The following SUGCT variants were observed in gnomAD, a reference collection of about 807,000 sequenced individuals.
The protein encoded by SUGCT is succinyl-CoA:glutarate-CoA transferase.
Under a neutral mutation model 55.0 loss-of-function variants are expected in SUGCT, and 41 were observed. The observed-to-expected ratio is 0.74, with a 90% CI of 0.58 to 0.97. SUGCT has a LOEUF of 0.97. Among genes scored for constraint, SUGCT ranks in the 50% least tolerant of loss-of-function variants. The probability of loss-of-function intolerance (pLI) is 0.00; values close to 1 mark genes in which losing one functional copy is unlikely to be tolerated. For synonymous variants in SUGCT, 187 were observed against 200.4 expected (o/e 0.93, Z 0.56); for missense variants, 568 against 547.8 (o/e 1.04, Z -0.37).
intron 1 of SUGCT, among the ~76,000 whole-genome samples, chr7:40,159,725 CAGG>C (rs1319506196): frequency 1.3e-5 from 2 of 152,090 alleles, no homozygotes; most frequent in Non-Finnish European, 2.9e-5. Flanking sequence ...GATAGGAAGG[CAGG>C]AGGTCAGAGA....
intron 11 of SUGCT, among the ~76,000 whole-genome samples, chr7:40,476,013 A>G (rs1470165583): frequency 1.3e-5 from 2 of 152,088 alleles, no homozygotes; most frequent in East Asian, 3.9e-4. Context: ...TGGTAAGAGC[A>G]TGGATTCTGG....
chr7:40,159,703 A>G (rs945917780), intron 1 of SUGCT, among the ~76,000 whole-genome samples: 2 of 152,118 alleles, frequency 1.3e-5, no homozygotes, highest in African/African-American at 4.8e-5. Flanking sequence ...TCAGAGGAGC[A>G]TGGGACTGAG....
At position 40,656,406 on chromosome 7, in the gene SUGCT, A is replaced by G. The variant is rs548206007; in HGVS notation, c.1090-93028A>G. On this transcript the variant is annotated intron_variant, in intron 12 of 13. Transcript: ENST00000335693. ...TAGTACTAATAATTCTGGTAGAAAT[A>G]TGATGAGAAGCAAATAGATCCACTA... is the stretch of plus-strand genomic sequence containing the variant. Among the ~76,000 whole-genome samples the G allele has an allele frequency of 6.6e-5, 10 of 152,332 alleles. No individual in the cohort carries two copies. In the South Asian group the frequency reaches 2.1e-3, roughly 32 times the overall value.
intron 7 of SUGCT, among the ~76,000 whole-genome samples, chr7:40,250,828 CTTTTT>C (rs67372014): frequency 7.4e-5 from 9 of 121,264 alleles, no homozygotes; most frequent in African/African-American, 1.5e-4. Context: ...TTTCACGCTT[CTTTTT>C]TTTTTTTTTT....
rs187384921 is a variant in SUGCT, at chr7:40,483,809, T to C, written c.987-12475T>C. 4.3e-3 allele frequency among the ~76,000 whole-genome samples: 661 copies of C among 152,276 alleles called. 9 individuals are homozygous for C. The highest frequency in any genetic ancestry group is 0.011 in the South Asian group (53 of 4,814). On this transcript the variant is annotated intron_variant, in intron 11 of 13. Coordinates refer to ENST00000335693, the MANE Select transcript of SUGCT (RefSeq NM_001193313.2). ...GGGAACTATAAATAACCATGAGATA[T>C]ACCATGCTCCCTCTATCGGACAATA...
intron 12 of SUGCT, among the ~76,000 whole-genome samples, chr7:40,677,336 A>T (rs1194974746): frequency 6.6e-6 from 1 of 152,214 alleles, no homozygotes; most frequent in Non-Finnish European, 1.5e-5. Flanking sequence ...GTGGTATAAA[A>T]ACAGGGTTTA....
chr7:40,747,811 G>T (rs1242237435), intron 12 of SUGCT, among the ~76,000 whole-genome samples: 1 of 151,932 alleles, frequency 6.6e-6, no homozygotes, highest in Non-Finnish European at 1.5e-5. Context: ...AAAATGTGTT[G>T]CATTTTTATT....
chr7:40,473,232 T>TACTTATTTTA (rs1229099905), intron 11 of SUGCT, among the ~76,000 whole-genome samples: 5 of 152,190 alleles, frequency 3.3e-5, no homozygotes, highest in African/African-American at 1.2e-4. Flanking sequence ...AAATCTTACA[T>TACTTATTTTA]ACTTATTTTA....
At chr7:40,687,338 G>C (rs1445495960) in intron 12 of SUGCT, among the ~76,000 whole-genome samples, 1 of 152,162 alleles carries the variant, frequency 6.6e-6, no homozygotes, top group Non-Finnish European at 1.5e-5. Context: ...TTCTTGTTTT[G>C]AGTTTTGTCT....
chr7:40,771,694 TGAA>T (rs2128728284), intron 13 of SUGCT, among the ~76,000 whole-genome samples: 1 of 152,298 alleles, frequency 6.6e-6, no homozygotes, highest in South Asian at 2.1e-4. Flanking sequence ...TATCATCTAC[TGAA>T]GAAGTGAAAT....
chr7:40,771,882 C>T (rs1317366860), intron 13 of SUGCT, among the ~76,000 whole-genome samples: 9 of 152,216 alleles, frequency 5.9e-5, no homozygotes, highest in Middle Eastern at 6.8e-3. Context: ...TCAGGGTATT[C>T]GATGGAATAC....
At chr7:40,696,769 A>G (rs1784953240) in intron 12 of SUGCT, among the ~76,000 whole-genome samples, 1 of 152,294 alleles carries the variant, frequency 6.6e-6, no homozygotes, top group Non-Finnish European at 1.5e-5. Flanking sequence ...ATGAGGGGAA[A>G]GCACACTACA....
intron 2 of SUGCT, among the ~76,000 whole-genome samples, chr7:40,181,573 G>A (rs1000689535): frequency 4.6e-5 from 7 of 151,874 alleles, no homozygotes; most frequent in African/African-American, 9.7e-5. Context: ...GTGAAACCCC[G>A]TCTCTACTAA....
At position 40,816,811 on chromosome 7, in the gene SUGCT, G is replaced by C. The variant is rs149214334; in HGVS notation, c.1154-43505G>C. On this transcript the variant is annotated intron_variant, in intron 13 of 13. Transcript: ENST00000335693. ...CAAAGTAAAGGCCTCTGTACATATGGAATGAACAGAATCTTAATAGGTGAA... is the reference window on the plus strand; with the variant it reads ...CAAAGTAAAGGCCTCTGTACATATGCAATGAACAGAATCTTAATAGGTGAA... Among the ~76,000 whole-genome samples, 100 of 152,252 alleles carry C rather than the reference G, an allele frequency of 6.6e-4. 1 individual carries two copies. The highest frequency in any genetic ancestry group is 2.3e-3 in the African/African-American group (94 of 41,538).
chr7:40,897,982 G>A, the SUGCT span, among the ~76,000 whole-genome samples: 1 of 152,184 alleles, frequency 6.6e-6, no homozygotes, highest in Non-Finnish European at 1.5e-5. Context: ...TGCGCCAACA[G>A]TGGCCACCCG....
intron 9 of SUGCT, among the ~76,000 whole-genome samples, chr7:40,336,616 G>A (rs1201753103): frequency 2.0e-5 from 3 of 151,994 alleles, no homozygotes; most frequent in African/African-American, 4.8e-5. Flanking sequence ...GTTTTTTATT[G>A]CACGTATTTA....
At chr7:40,965,346 A>G in the SUGCT span, 1 of 152,208 alleles carries the variant, frequency 6.6e-6, no homozygotes. Context: ...GTAAGCCTAT[A>G]TGGGCCTGTG....
the SUGCT span, among the ~76,000 whole-genome samples, chr7:40,922,960 C>T: frequency 3.6e-3 from 553 of 152,324 alleles, 8 homozygotes; most frequent in African/African-American, 9.6e-3. Context: ...GTGCCCAGCT[C>T]TTAGCTACTG....
chr7:41,035,851 A>C, the SUGCT span, among the ~76,000 whole-genome samples: 106,166 of 152,010 alleles, frequency 0.7, 37,178 homozygotes, highest in African/African-American at 0.72. Flanking sequence ...CCTCACAGGA[A>C]CCCCCAGCCT....
Sources: gnomAD v4.1 joint callset for allele counts (sites outside exome capture counted in the v4.1 genomes callset) on GRCh38, gnomAD v4.1.1 for gene constraint, MANE v1.5 for transcripts, NCBI Gene and HGNC (gene_info 2026-07-23, HGNC 2026-07-21) for gene names.